Variants in CMTM4 observed in about 807,000 individuals in gnomAD.
The protein encoded by CMTM4 is CKLF-like MARVEL transmembrane domain-containing protein 4.
CMTM4 carries 8 observed loss-of-function variants against 19.0 expected under a neutral mutation model. That is an observed-to-expected ratio of 0.42 (90% CI 0.25 to 0.76). CMTM4 has a LOEUF of 0.76. CMTM4 is among the 30% of genes least tolerant of loss of function. The probability of loss-of-function intolerance (pLI) is 0.27; values close to 1 mark genes in which losing one functional copy is unlikely to be tolerated. For missense variants in CMTM4, 228 were observed against 290.2 expected (o/e 0.79, Z 1.56); for synonymous variants, 106 against 121.1 (o/e 0.88, Z 0.82).
chr16:66,693,314 G>A (rs566097327), intron 1 of CMTM4, among the ~76,000 whole-genome samples: 5 of 152,056 alleles, frequency 3.3e-5, no homozygotes, highest in Non-Finnish European at 7.4e-5. Flanking sequence ...TGGCTACTCC[G>A]AGGCACCATA....
chr16:66,690,487 T>C (rs1228556239), intron 1 of CMTM4, among the ~76,000 whole-genome samples: 1 of 152,172 alleles, frequency 6.6e-6, no homozygotes, highest in African/African-American at 2.4e-5. Flanking sequence ...TTGTGTTGCA[T>C]ATGATTTCTA....
chr16:66,617,405 T>C lies in CMTM4; in HGVS notation c.*4653A>G, dbSNP rs755206736. 2 of 1,593,684 alleles carry C rather than the reference T, an allele frequency of 1.3e-6. No individual in the cohort carries two copies. The highest frequency in any genetic ancestry group is 3.5e-5 in the Admixed American group (2 of 57,126). On this transcript the variant is annotated 3_prime_UTR_variant, in exon 4 of 4. Transcript: ENST00000394106. ...CAAAGGTTGAAAAACTGTATCCAAATGGAAAAAGAATATATTCCAGACAAA... is the reference window on the plus strand; with the variant it reads ...CAAAGGTTGAAAAACTGTATCCAAACGGAAAAAGAATATATTCCAGACAAA...
At chr16:66,631,292 C>T (rs1440594334) in intron 2 of CMTM4, among the ~76,000 whole-genome samples, 3 of 150,928 alleles carry the variant, frequency 2.0e-5, no homozygotes, top group Non-Finnish European at 3.0e-5. Context: ...GCCAGCCGCC[C>T]GGTCCGGGAG....
chr16:66,676,498 G>A lies in CMTM4; in HGVS notation c.186+19842C>T, dbSNP rs1432708352. ...TCAGCTCCCAGGGCCACCAAACAAC[G>A]GGGTAGCTACAGGAAAGTCCCAACT... On this transcript the variant is annotated intron_variant, in intron 1 of 3. Coordinates refer to ENST00000394106, the MANE Select transcript of CMTM4 (RefSeq NM_181521.3). Among the ~76,000 whole-genome samples the A allele has an allele frequency of 4.6e-5, 7 of 152,228 alleles. 1 individual carries two copies. The South Asian group carries it at 6.2e-4, about 14-fold the overall frequency.
chr16:66,685,222 C>T (rs574565149), intron 1 of CMTM4, among the ~76,000 whole-genome samples: 1 of 152,160 alleles, frequency 6.6e-6, no homozygotes, highest in East Asian at 1.9e-4. Flanking sequence ...ATCTGTGATC[C>T]CTTCTGCTCT....
intron 1 of CMTM4, among the ~76,000 whole-genome samples, chr16:66,670,284 C>CA (rs897810344): frequency 2.3e-3 from 295 of 129,890 alleles, no homozygotes; most frequent in Middle Eastern, 0.015. Flanking sequence ...CCGTCTCTAC[C>CA]AAAAAAAAAA....
At chr16:66,650,016 C>T (rs749914829) in intron 1 of CMTM4, among the ~76,000 whole-genome samples, 120 of 152,220 alleles carry the variant, frequency 7.9e-4, no homozygotes, top group Non-Finnish European at 1.5e-3. Flanking sequence ...GTGCGTGGCT[C>T]GGTGCCCAGG....
chr16:66,636,642 C>T (rs1053202654), intron 1 of CMTM4, 61 bp from the exon 2 acceptor site: 8 of 1,345,314 alleles, frequency 5.9e-6, no homozygotes, highest in African/African-American at 2.9e-5. Flanking sequence ...TGCGGACATA[C>T]GTACCTGCCA....
In CMTM4 at chr16:66,617,168, A is replaced by C; in HGVS notation, c.*4890T>G. The stretch of plus-strand genomic sequence containing the variant: ...AGAAAACACGCCACCCCAGGTGTCT[A>C]GATAGCAAGTCACCTGAATTAAAGC... On this transcript the variant is annotated 3_prime_UTR_variant, in exon 4 of 4. Coordinates refer to ENST00000394106, the MANE Select transcript of CMTM4 (RefSeq NM_181521.3). 2 of 1,087,304 alleles carry C rather than the reference A, an allele frequency of 1.8e-6. No homozygotes were observed. Among genetic ancestry groups the C allele is most frequent in the Non-Finnish European group, 2.7e-6 (2 of 745,022 alleles). 67.4% of individuals were successfully genotyped at this position (1,087,304 alleles called of 1,614,324 possible). A position where few individuals can be genotyped will look rare whatever the true frequency, so the allele number is the denominator to read the frequency against.
chr16:66,687,682 A>ATTTTT (rs1176777153), intron 1 of CMTM4, among the ~76,000 whole-genome samples: 4 of 93,286 alleles, frequency 4.3e-5, no homozygotes, highest in African/African-American at 1.1e-4. Context: ...AAAAAGGGTA[A>ATTTTT]TTTTTTTTTT....
rs963535590 is a variant in CMTM4 at position 66,692,097 on chromosome 16, G to GT, written c.186+4242dup. Among the ~76,000 whole-genome samples, 691 of 145,996 alleles carry GT rather than the reference G, an allele frequency of 4.7e-3. 7 individuals carry two copies. The highest frequency in any genetic ancestry group is 0.011 in the African/African-American group (443 of 40,198). On this transcript the variant is annotated intron_variant, in intron 1 of 3. Coordinates refer to ENST00000394106, the MANE Select transcript of CMTM4 (RefSeq NM_181521.3). ...GCTAGCACCTGTGTGAGGTTTTGTT[G>GT]TTTTTTTTTTTGAGATGGAGTCTTG...
chr16:66,689,063 C>A (rs2017089059), intron 1 of CMTM4, among the ~76,000 whole-genome samples: 1 of 152,160 alleles, frequency 6.6e-6, no homozygotes, highest in African/African-American at 2.4e-5. Flanking sequence ...TGATTATCTA[C>A]CTAATCATGC....
chr16:66,692,798 C>A (rs1328400413), intron 1 of CMTM4, among the ~76,000 whole-genome samples: 1 of 151,426 alleles, frequency 6.6e-6, no homozygotes, highest in Non-Finnish European at 1.5e-5. Context: ...TCCCAGCTAC[C>A]TGGGAGGCTG....
At chr16:66,648,095 G>T (rs1261418974) in intron 1 of CMTM4, among the ~76,000 whole-genome samples, 1 of 152,122 alleles carries the variant, frequency 6.6e-6, no homozygotes, top group East Asian at 1.9e-4. Context: ...ATTTGTGTGG[G>T]GCCACAAGAC....
At chr16:66,679,175 C>T (rs1359557314) in intron 1 of CMTM4, among the ~76,000 whole-genome samples, 1 of 152,002 alleles carries the variant, frequency 6.6e-6, no homozygotes, top group Non-Finnish European at 1.5e-5. Context: ...TCTGTATTCG[C>T]TGTTCTAAGA....
chr16:66,608,428 G>A, the CMTM4 span: 1 of 1,614,060 alleles, frequency 6.2e-7, no homozygotes, highest in African/African-American at 1.3e-5. The surrounding 1 kb of genome is among the most constrained non-coding windows in gnomAD (Gnocchi z 5.1). Flanking sequence ...CCATGCAGCT[G>A]AATGACAAGT....
chr16:66,675,458 A>T (rs895918517), intron 1 of CMTM4, among the ~76,000 whole-genome samples: 8 of 92,352 alleles, frequency 8.7e-5, no homozygotes, highest in East Asian at 3.8e-4. Context: ...ATTATTCATT[A>T]AAAAAAAAAA....
chr16:66,609,641 G>A, the CMTM4 span: 28 of 1,516,050 alleles, frequency 1.8e-5, no homozygotes, highest in Non-Finnish European at 2.3e-5. This position sits in a 1 kb window ranked among gnomAD's most constrained non-coding sequence, Gnocchi z 4.4. Context: ...GGGGTCTCAT[G>A]TGGGTCCCGA....
At chr16:66,676,750 G>A (rs887641064) in intron 1 of CMTM4, among the ~76,000 whole-genome samples, 1 of 152,158 alleles carries the variant, frequency 6.6e-6, no homozygotes, top group Non-Finnish European at 1.5e-5. Flanking sequence ...TGGCTGAGCC[G>A]GCAAATGCTT....
Sources: gnomAD v4.1 joint callset for allele counts (sites outside exome capture counted in the v4.1 genomes callset) on GRCh38, gnomAD v4.1.1 for gene constraint, Gnocchi (gnomAD v3.1) non-coding constraint, MANE v1.5 for transcripts, NCBI Gene and HGNC (gene_info 2026-07-23, HGNC 2026-07-21) for gene names.